The following DRC3 variants were observed in gnomAD, a reference collection of about 807,000 sequenced individuals.
DRC3 encodes the protein dynein regulatory complex subunit 3, also known as leucine rich repeat containing 48.
Under a neutral mutation model 57.6 loss-of-function variants are expected in DRC3, and 45 were observed. That is an observed-to-expected ratio of 0.78 (90% CI 0.62 to 1.00). The LOEUF is 1.00. DRC3 is among the 50% of genes least tolerant of loss of function. The probability of loss-of-function intolerance (pLI) is 0.00; values close to 1 mark genes in which losing one functional copy is unlikely to be tolerated. For missense variants in DRC3, 655 were observed against 675.2 expected (o/e 0.97, Z 0.33); for synonymous variants, 257 against 272.3 (o/e 0.94, Z 0.55).
intron 3 of DRC3, chr17:17,981,279 G>T: frequency 3.7e-6 from 1 of 268,408 alleles, no homozygotes; most frequent in African/African-American, 2.3e-5. Flanking sequence ...TGGCCAGGAG[G>T]ATTCCCAGGA....
chr17:17,995,850 C>G (rs939645999), intron 8 of DRC3: 1 of 152,762 alleles, frequency 6.5e-6, no homozygotes, highest in African/African-American at 2.4e-5. Flanking sequence ...TGCCTATAAT[C>G]CCAGCACTTT....
intron 2 of DRC3, chr17:17,977,314 A>C (rs2042432556): frequency 2.3e-6 from 1 of 435,110 alleles, no homozygotes; most frequent in Non-Finnish European, 4.2e-6. Context: ...TGTGGACACC[A>C]GTCCAGTGGG....
intron 5 of DRC3, chr17:17,988,325 T>G: frequency 1.8e-6 from 1 of 546,058 alleles, no homozygotes; most frequent in Non-Finnish European, 3.3e-6. Context: ...ACCTCCACAT[T>G]AGTGGCGGTT....
intron 2 of DRC3, 32 bp from the exon 3 acceptor site, chr17:17,977,550 A>G (rs749989474): frequency 1.2e-6 from 2 of 1,612,684 alleles, no homozygotes; most frequent in South Asian, 2.2e-5. Flanking sequence ...AGAAAGAAGC[A>G]GGCCGTGAAG....
At chr17:17,978,191 G>T (rs1456762227) in intron 3 of DRC3, among the ~76,000 whole-genome samples, 2 of 152,150 alleles carry the variant, frequency 1.3e-5, no homozygotes, top group Non-Finnish European at 2.9e-5. Context: ...TCAGGGAAGG[G>T]GTGACCAAAG....
At chr17:17,990,809 T>C (rs1348338051) in intron 5 of DRC3, among the ~76,000 whole-genome samples, 1 of 152,078 alleles carries the variant, frequency 6.6e-6, no homozygotes, top group Admixed American at 6.6e-5. Context: ...TTGGCCAACA[T>C]GGCGAAACCC....
intron 5 of DRC3, among the ~76,000 whole-genome samples, 182 bp from the exon 6 acceptor site, chr17:17,992,583 G>T (rs944680407): frequency 1.3e-5 from 2 of 152,128 alleles, no homozygotes; most frequent in Admixed American, 6.5e-5. Flanking sequence ...CTGACAGAAG[G>T]TCTCGGTACT....
At chr17:18,007,560 G>A in intron 12 of DRC3, 1 of 1,505,446 alleles carries the variant, frequency 6.6e-7, no homozygotes, top group Non-Finnish European at 8.9e-7. Context: ...TTCTGATCCT[G>A]CACAATGCCA....
At chr17:18,007,892 GGCCTGGACTGCTT>G in intron 12 of DRC3, 1 of 994,534 alleles carries the variant, frequency 1.0e-6, no homozygotes, top group Non-Finnish European at 1.2e-6. Flanking sequence ...CATCGTCCTT[GGCCTGGACTGCTT>G]GCCTCTTTAC....
At chr17:17,977,115 A>G (rs1478813144) in intron 2 of DRC3, among the ~76,000 whole-genome samples, 2 of 152,040 alleles carry the variant, frequency 1.3e-5, no homozygotes, top group Non-Finnish European at 2.9e-5. Context: ...TACACACATG[A>G]CGGCCTGGAG....
chr17:17,986,889 C>T (rs2042986710), intron 4 of DRC3, among the ~76,000 whole-genome samples: 1 of 152,190 alleles, frequency 6.6e-6, no homozygotes, highest in Non-Finnish European at 1.5e-5. Flanking sequence ...CCCCACCTGC[C>T]AGGTAACCCT....
chr17:17,975,453 G>A (rs904622832), intron 2 of DRC3, among the ~76,000 whole-genome samples: 14 of 151,174 alleles, frequency 9.3e-5, no homozygotes, highest in African/African-American at 2.0e-4. Flanking sequence ...CTTGTGATCC[G>A]CCCACCTCGG....
intron 9 of DRC3, among the ~76,000 whole-genome samples, chr17:18,000,299 C>CGTGTGT (rs34508417): frequency 8.4e-6 from 1 of 119,196 alleles, no homozygotes; most frequent in Non-Finnish European, 1.7e-5. Flanking sequence ...ACTTTGCTTT[C>CGTGTGT]GTGTGTGTGT....
chr17:17,977,871 C>T, intron 3 of DRC3, 113 bp downstream of exon 3: 2 of 1,107,188 alleles, frequency 1.8e-6, no homozygotes, highest in Non-Finnish European at 2.5e-6. Context: ...GTTCCCACAT[C>T]AGCATTAGGG....
chr17:18,003,693 A>C (rs1444974178), intron 9 of DRC3, among the ~76,000 whole-genome samples: 1 of 122,226 alleles, frequency 8.2e-6, no homozygotes. Flanking sequence ...CCCAGGCTGG[A>C]GTGCAGTGGC....
intron 9 of DRC3, among the ~76,000 whole-genome samples, chr17:17,998,473 G>A (rs1191303018): frequency 1.3e-5 from 2 of 152,196 alleles, no homozygotes; most frequent in African/African-American, 4.8e-5. Context: ...TTTGTGAGAT[G>A]CTAAGGAAAG....
chr17:17,997,734 T>A, intron 9 of DRC3, 100 bp downstream of exon 9: 5 of 1,112,870 alleles, frequency 4.5e-6, no homozygotes, highest in Non-Finnish European at 6.2e-6. Context: ...CTGTACCCTC[T>A]GATGACCCCT....
At chr17:17,987,797 G>T in intron 4 of DRC3, 135 bp from the exon 5 acceptor site, 1 of 827,724 alleles carries the variant, frequency 1.2e-6, no homozygotes, top group Non-Finnish European at 1.9e-6. Context: ...CAAACTATTA[G>T]ACAGTGAGTC....
Position 17,994,278 on chromosome 17 carries a change from C to G in DRC3, c.592-21C>G, listed in dbSNP as rs1323272400. 7 of 1,550,186 alleles carry G rather than the reference C, an allele frequency of 4.5e-6. No homozygotes were observed. The African/African-American group carries it at 6.8e-5, about 15-fold the overall frequency. On this transcript the variant is annotated intron_variant, in intron 6 of 13. Coordinates refer to ENST00000399187, the MANE Select transcript of DRC3 (RefSeq NM_031294.4). Reference sequence around the variant, plus strand: ...CTCGGAGGAACCTCTGGTAACAATGCCACTCCCGTTCCCTGGTCAGAAAAA... The same window carrying G: ...CTCGGAGGAACCTCTGGTAACAATGGCACTCCCGTTCCCTGGTCAGAAAAA...
Sources: gnomAD v4.1 joint callset for allele counts (sites outside exome capture counted in the v4.1 genomes callset) on GRCh38, gnomAD v4.1.1 for gene constraint, MANE v1.5 for transcripts, NCBI Gene and HGNC (gene_info 2026-07-23, HGNC 2026-07-21) for gene names.